The following SPMAP2 variants were observed in gnomAD, a reference collection of about 807,000 sequenced individuals.
SPMAP2 encodes the protein sperm microtubule associated protein 2.
At chr19:373,852 G>T in the SPMAP2 span, 2 of 1,237,180 alleles carry the variant, frequency 1.6e-6, no homozygotes, top group Non-Finnish European at 1.2e-6. Flanking sequence ...TCCCTGGAGA[G>T]AGGAGGGTGG....
chr19:369,403 C>A, the SPMAP2 span, among the ~76,000 whole-genome samples: 10 of 151,968 alleles, frequency 6.6e-5, no homozygotes, highest in East Asian at 1.9e-3. Flanking sequence ...CACTCCCCGC[C>A]CGGAGAATGC....
the SPMAP2 span, chr19:371,452 C>T: frequency 2.1e-6 from 1 of 474,324 alleles, no homozygotes; most frequent in South Asian, 6.5e-5. Context: ...GTCTGTCTGT[C>T]TTTCCCAGCT....
chr19:374,138 G>T, the SPMAP2 span: 2 of 1,454,328 alleles, frequency 1.4e-6, no homozygotes, highest in South Asian at 1.2e-5. Flanking sequence ...CCAGTGTCTG[G>T]CCACCTCCTT....
chr19:361,932 C>T, the SPMAP2 span: 1 of 274,972 alleles, frequency 3.6e-6, no homozygotes, highest in Non-Finnish European at 6.8e-6. Flanking sequence ...GGCTGTCGTT[C>T]CGACTCCGAC....
the SPMAP2 span, among the ~76,000 whole-genome samples, chr19:373,075 T>G: frequency 6.6e-6 from 1 of 152,142 alleles, no homozygotes; most frequent in African/African-American, 2.4e-5. Flanking sequence ...TAGTGATGAC[T>G]GTAGGTCTAA....
At chr19:373,724 A>G in the SPMAP2 span, among the ~76,000 whole-genome samples, 3 of 151,884 alleles carry the variant, frequency 2.0e-5, no homozygotes, top group Admixed American at 1.3e-4. Context: ...ATGTCCAGAG[A>G]AGGAGGTAGC....
chr19:362,276 C>T, the SPMAP2 span: 10 of 1,598,010 alleles, frequency 6.3e-6, no homozygotes, highest in East Asian at 2.3e-5. Flanking sequence ...GGCGAGGGGA[C>T]GCCTGTCGTA....
At chr19:373,899 C>A in the SPMAP2 span, 7 of 1,584,752 alleles carry the variant, frequency 4.4e-6, no homozygotes, top group Non-Finnish European at 6.0e-6. Flanking sequence ...TGACACGTGT[C>A]CCCCAGCATA....
chr19:371,171 C>CG, the SPMAP2 span: 111 of 1,291,040 alleles, frequency 8.6e-5, no homozygotes, highest in African/African-American at 1.4e-3. Context: ...GCCCGCCTGG[C>CG]GGGGGTGAGT....
At chr19:366,846 T>C in the SPMAP2 span, among the ~76,000 whole-genome samples, 75,162 of 152,040 alleles carry the variant, frequency 0.49, 19,239 homozygotes, top group African/African-American at 0.63. Flanking sequence ...GGTTCTCTGG[T>C]TCCTGCTCTG....
At chr19:370,415 C>T in the SPMAP2 span, among the ~76,000 whole-genome samples, 1 of 151,540 alleles carries the variant, frequency 6.6e-6, no homozygotes, top group Non-Finnish European at 1.5e-5. Flanking sequence ...GATCTCGGCT[C>T]ACTGCAAGCT....
the SPMAP2 span, chr19:372,618 C>G: frequency 6.2e-7 from 1 of 1,613,860 alleles, no homozygotes; most frequent in South Asian, 1.1e-5. Context: ...CCACCCAGCC[C>G]TCCTTCCCCC....
At chr19:373,628 G>A in the SPMAP2 span, 1 of 1,242,178 alleles carries the variant, frequency 8.1e-7, no homozygotes, top group African/African-American at 1.5e-5. Flanking sequence ...GCCGAGGTGG[G>A]GTGTGGAGTT....
the SPMAP2 span, among the ~76,000 whole-genome samples, chr19:371,026 G>A: frequency 1.3e-5 from 2 of 152,224 alleles, no homozygotes; most frequent in African/African-American, 2.4e-5. Context: ...AGGGAAGGAT[G>A]ACCCCTGGGC....
the SPMAP2 span, among the ~76,000 whole-genome samples, chr19:370,486 C>T: frequency 6.7e-5 from 10 of 149,340 alleles, no homozygotes; most frequent in South Asian, 2.1e-4. Flanking sequence ...GGACTACAGG[C>T]GCCCGCCACC....
At chr19:362,004 C>T in the SPMAP2 span, 13 of 425,072 alleles carry the variant, frequency 3.1e-5, no homozygotes, top group East Asian at 1.1e-4. Flanking sequence ...AGAAGGCGCT[C>T]GAGATGGTCA....
the SPMAP2 span, among the ~76,000 whole-genome samples, chr19:372,458 T>C: frequency 6.6e-6 from 1 of 152,156 alleles, no homozygotes. Context: ...GGATGTGGAC[T>C]GGGAAGCAGC....
chr19:362,197 G>T, the SPMAP2 span: 1 of 1,491,770 alleles, frequency 6.7e-7, no homozygotes, highest in Non-Finnish European at 9.0e-7. Flanking sequence ...GGGAGCGGAG[G>T]TCTTAGAGGC....
the SPMAP2 span, among the ~76,000 whole-genome samples, chr19:375,396 TC>T: frequency 6.6e-6 from 1 of 152,082 alleles, no homozygotes; most frequent in South Asian, 2.1e-4. Context: ...GACTCCAAAC[TC>T]AGCGCTGTTT....
Sources: allele counts gnomAD v4.1 joint callset (sites outside exome capture counted in the v4.1 genomes callset), GRCh38; gene constraint gnomAD v4.1.1; transcripts MANE v1.5; gene names NCBI Gene and HGNC (gene_info 2026-07-23, HGNC 2026-07-21).